ERICH6: variants seen among roughly 807,000 people sequenced by gnomAD.
ERICH6 encodes glutamate-rich protein 6.
A neutral mutation model predicts 71.0 loss-of-function variants in ERICH6; 71 were observed. That is an observed-to-expected ratio of 1.00 (90% confidence interval 0.83 to 1.22). ERICH6 has a LOEUF of 1.22. Among genes scored for constraint, ERICH6 ranks in the 50% most tolerant of loss-of-function variants. The probability of loss-of-function intolerance (pLI) is 0.00; values close to 1 mark genes in which losing one functional copy is unlikely to be tolerated. For missense variants in ERICH6, 808 were observed against 797.2 expected (o/e 1.01, Z -0.16); for synonymous variants, 262 against 278.4 (o/e 0.94, Z 0.59).
intron 2 of ERICH6, among the ~76,000 whole-genome samples, chr3:150,699,591 A>C (rs1435319612): frequency 6.6e-6 from 1 of 152,254 alleles, no homozygotes; most frequent in Non-Finnish European, 1.5e-5. Flanking sequence ...ATTACCACTT[A>C]AGAAAAATCA....
rs1366117405 is a variant in ERICH6, at chr3:150,685,872, G to A, written c.667-14C>T. 1.2e-6 allele frequency: 2 copies of A among 1,612,266 alleles called. No individual in the cohort carries two copies. The highest frequency in any genetic ancestry group is 1.7e-6 in the Non-Finnish European group (2 of 1,178,770). On this transcript the variant is annotated splice_polypyrimidine_tract_variant and intron_variant, in intron 5 of 13. Transcript: ENST00000295910. The stretch of plus-strand genomic sequence containing the variant: ...GTCTTCCTTAAACTAAATTTAAAAA[G>A]AGAAAGGGGTGGTGAGGGGAAATAA...
At chr3:150,662,527 C>T (rs754849482) in intron 13 of ERICH6, among the ~76,000 whole-genome samples, 4 of 151,972 alleles carry the variant, frequency 2.6e-5, no homozygotes, top group African/African-American at 9.7e-5. Flanking sequence ...AATTATGTAA[C>T]CAACCACAAA....
At chr3:150,672,106 T>G (rs910713844) in intron 11 of ERICH6, among the ~76,000 whole-genome samples, 2 of 151,970 alleles carry the variant, frequency 1.3e-5, no homozygotes, top group African/African-American at 4.8e-5. Context: ...TACTATGTGG[T>G]TATAAAACGG....
At chr3:150,680,587 T>C (rs765557513) in intron 8 of ERICH6, 49 bp from the exon 9 acceptor site, 3 of 1,606,672 alleles carry the variant, frequency 1.9e-6, no homozygotes, top group Non-Finnish European at 2.6e-6. Context: ...TGGTTGAAGC[T>C]TAAAACAGTC....
At chr3:150,677,651 C>A (rs1451922082) in intron 10 of ERICH6, among the ~76,000 whole-genome samples, 1 of 152,026 alleles carries the variant, frequency 6.6e-6, no homozygotes, top group African/African-American at 2.4e-5. Context: ...TGCATGTCAA[C>A]ATGCATGGCT....
chr3:150,678,593 T>A (rs556597932), intron 9 of ERICH6, 39 bp from the exon 10 acceptor site: 284 of 1,483,658 alleles, frequency 1.9e-4, no homozygotes, highest in Middle Eastern at 1.7e-3. Context: ...CATATATGTT[T>A]TAAATTTTCT....
chr3:150,681,732 A>G (rs1711949976), intron 7 of ERICH6, among the ~76,000 whole-genome samples: 1 of 149,688 alleles, frequency 6.7e-6, no homozygotes, highest in African/African-American at 2.5e-5. Flanking sequence ...TTTAAATTAT[A>G]CCCATCCTAA....
chr3:150,665,503 G>C (rs1430068451), intron 13 of ERICH6, among the ~76,000 whole-genome samples: 23 of 89,416 alleles, frequency 2.6e-4, no homozygotes, highest in Non-Finnish European at 3.3e-4. Context: ...GCGACGGAGA[G>C]AGACTCCATC....
intron 2 of ERICH6, among the ~76,000 whole-genome samples, chr3:150,700,733 G>A (rs191240713): frequency 3.0e-4 from 45 of 152,116 alleles, no homozygotes; most frequent in Non-Finnish European, 6.0e-4. Context: ...ACAGGCACAC[G>A]CCACCATGCC....
intron 13 of ERICH6, among the ~76,000 whole-genome samples, chr3:150,661,525 C>T (rs1265920228): frequency 1.3e-5 from 2 of 152,004 alleles, no homozygotes; most frequent in East Asian, 1.9e-4. Context: ...GAAACTTATA[C>T]TCAAGGAAAA....
chr3:150,672,499 G>A (rs1185221796), intron 11 of ERICH6, among the ~76,000 whole-genome samples: 1 of 151,276 alleles, frequency 6.6e-6, no homozygotes, highest in Non-Finnish European at 1.5e-5. Context: ...TCGGGAGGCT[G>A]AGGCAGGAAA....
At chr3:150,683,580 C>T (rs997921224) in intron 6 of ERICH6, among the ~76,000 whole-genome samples, 2 of 151,998 alleles carry the variant, frequency 1.3e-5, no homozygotes, top group African/African-American at 2.4e-5. Flanking sequence ...CCTGGTAAAC[C>T]CTGTCTCTGC....
intron 2 of ERICH6, 56 bp downstream of exon 2, chr3:150,702,065 C>A: frequency 1.7e-6 from 2 of 1,183,758 alleles, no homozygotes; most frequent in African/African-American, 1.6e-5. Context: ...CATGTTTATC[C>A]AAAAGGTAAA....
chr3:150,678,994 C>A lies in ERICH6; in HGVS notation c.1112-440G>T, dbSNP rs200910103. On this transcript the variant is annotated intron_variant, in intron 9 of 13. Coordinates refer to ENST00000295910, the MANE Select transcript of ERICH6 (RefSeq NM_152394.5). The stretch of plus-strand genomic sequence containing the variant: ...GAGGTTGCAGTGAGCCAAGATTGTG[C>A]CACTGCATTACAGCCTGGGTGACAG... Among the ~76,000 whole-genome samples, 76 of 143,034 alleles carry A rather than the reference C, an allele frequency of 5.3e-4. 1 individual carries two copies. In the East Asian group the frequency reaches 0.015, roughly 28 times the overall value. The allele number at this position is 143,034 out of a possible 152,430, so 93.8% of individuals were successfully genotyped here.
chr3:150,686,155 C>A, intron 4 of ERICH6, 134 bp from the exon 5 acceptor site: 4 of 1,204,274 alleles, frequency 3.3e-6, no homozygotes, highest in Admixed American at 1.8e-5. Context: ...ATGCCCTGAT[C>A]CCTGACGTTT....
At position 150,692,823 on chromosome 3, in the gene ERICH6, G is replaced by A. The variant is rs573804611; in HGVS notation, c.553+5968C>T. ...ATCTTGTTTTGGTGCACTTTAGAAGGTGGATTTATAATCAGTTATAAAACT... is the reference window on the plus strand; with the variant it reads ...ATCTTGTTTTGGTGCACTTTAGAAGATGGATTTATAATCAGTTATAAAACT... On this transcript the variant is annotated intron_variant, in intron 3 of 13. Coordinates refer to ENST00000295910, the MANE Select transcript of ERICH6 (RefSeq NM_152394.5). Among the ~76,000 whole-genome samples, 86 of 152,174 alleles carry A rather than the reference G, an allele frequency of 5.7e-4. 1 individual carries two copies. The highest frequency in any genetic ancestry group is 2.6e-3 in the Admixed American group (39 of 15,288).
At position 150,698,806 on chromosome 3, in the gene ERICH6, CA is replaced by C; in HGVS notation, c.537del (p.Asp180IlefsTer23). On this transcript the variant is annotated frameshift_variant, in exon 3 of 14. Transcript: ENST00000295910. LOFTEE classifies it high-confidence loss of function. ...AACTACTCACTCGATTGCACTTTAT[CA>C]GACAAATCTTGGAGCCAACTTTCTT... ...QTEESWLQDLSDKVQSRKKAS... is the reference protein window; with the variant it reads ...QTEESWLQDLXDKVQSRKKAS... 1 of 1,613,716 alleles carries C rather than the reference CA, an allele frequency of 6.2e-7. No individual in the cohort carries two copies. Among genetic ancestry groups the C allele is most frequent in the Non-Finnish European group, 8.5e-7 (1 of 1,179,738 alleles).
intron 11 of ERICH6, among the ~76,000 whole-genome samples, chr3:150,671,385 TC>T (rs2108046343): frequency 6.6e-6 from 1 of 152,176 alleles, no homozygotes; most frequent in East Asian, 1.9e-4. Context: ...TCTGAAAAGC[TC>T]AAAAAGTTTA....
In ERICH6 at chr3:150,690,650, A is replaced by G. The variant is rs916592891; in HGVS notation, c.554-4296T>C. ...CAGTAAAATCTTTAATAAATAAACT[A>G]GCTTTTCAGTTATTGGTAAAGTAAT... On this transcript the variant is annotated intron_variant, in intron 3 of 13. Coordinates refer to ENST00000295910, the MANE Select transcript of ERICH6 (RefSeq NM_152394.5). Among the ~76,000 whole-genome samples the G allele has an allele frequency of 4.6e-5, 7 of 152,232 alleles. No individual in the cohort carries two copies. The South Asian group carries it at 1.4e-3, about 31-fold the overall frequency.
Sources: gnomAD v4.1 joint callset for allele counts (sites outside exome capture counted in the v4.1 genomes callset) on GRCh38, gnomAD v4.1.1 for gene constraint, MANE v1.5 for transcripts, NCBI Gene and HGNC (gene_info 2026-07-23, HGNC 2026-07-21) for gene names.